The following ACTN1 variants were observed in gnomAD, a reference collection of about 807,000 sequenced individuals.
ACTN1 encodes actinin alpha 1.
In ACTN1, 30 loss-of-function variants were observed where a neutral mutation model predicts 119.6. The ratio of observed to expected loss-of-function variants is 0.25; its 90% CI spans 0.19 to 0.34. The LOEUF is 0.34. Among genes scored for constraint, ACTN1 ranks in the 10% least tolerant of loss-of-function variants. ACTN1 has a pLI of 1.00. For synonymous variants in ACTN1, 429 were observed against 472.6 expected (o/e 0.91, Z 1.20); for missense variants, 764 against 1,223.4 (o/e 0.62, Z 5.60).
At chr14:68,900,502 A>G (rs1027981387) in intron 8 of ACTN1, among the ~76,000 whole-genome samples, 3 of 151,626 alleles carry the variant, frequency 2.0e-5, no homozygotes, top group African/African-American at 7.3e-5. Context: ...GGAGAGAGAG[A>G]GAGGGAAGAG....
rs1594895869 is a variant in ACTN1 at position 68,979,141 on chromosome 14, A to T, written c.-85T>A. On this transcript the variant is annotated 5_prime_UTR_variant, in exon 1 of 22. Coordinates refer to ENST00000394419, the MANE Select transcript of ACTN1 (RefSeq NM_001130004.2). ...TGCTGCCCTGGCGTGGGGAGGGAGT[A>T]GGGCTGGGCTGGGCTGGGCTGGCGG... The T allele has an allele frequency of 6.8e-4, 283 of 414,660 alleles. No individual in the cohort carries two copies. The highest frequency in any genetic ancestry group is 9.8e-4 in the Non-Finnish European group (230 of 234,892). The allele number at this position is 414,660 out of a possible 1,614,324, so 25.7% of individuals were successfully genotyped here.
Position 68,909,840 on chromosome 14 carries a change from C to A in ACTN1, c.515+115G>T. The A allele has an allele frequency of 1.2e-6, 1 of 809,118 alleles. No homozygotes were observed. Among genetic ancestry groups the A allele is most frequent in the Non-Finnish European group, 2.0e-6 (1 of 493,824 alleles). 50.1% of individuals were successfully genotyped at this position (809,118 alleles called of 1,614,324 possible). On this transcript the variant is annotated intron_variant, in intron 5 of 21. Transcript: ENST00000394419. The surrounding 1 kb of genome is among the most constrained non-coding windows in gnomAD (Gnocchi z 4.1). Reference sequence around the variant, plus strand: ...CCCTTCCCAAGGAAAGCTACTTCTTCCCCCAGAGGTCTCCACTTTGTTCTA... The same window carrying A: ...CCCTTCCCAAGGAAAGCTACTTCTTACCCCAGAGGTCTCCACTTTGTTCTA...
At position 68,978,941 on chromosome 14, in the gene ACTN1, C is replaced by G. The variant is rs964066877; in HGVS notation, c.105+11G>C. On this transcript the variant is annotated intron_variant, in intron 1 of 21. Transcript: ENST00000394419. ...GGCTGGGGGCTGCAGCGGGCGGGGG[C>G]GGCTGCTAACCTTTCTCTGCTGCTT... The G allele has an allele frequency of 1.4e-6, 2 of 1,416,212 alleles. No individual in the cohort carries two copies. Among genetic ancestry groups the G allele is most frequent in the Admixed American group, 1.9e-5 (1 of 52,316 alleles). 87.7% of individuals were successfully genotyped at this position (1,416,212 alleles called of 1,614,324 possible).
Position 68,978,973 on chromosome 14 carries a change from G to A in ACTN1, c.84C>T (p.Ala28=). The A allele has an allele frequency of 6.2e-7, 1 of 1,600,338 alleles. No homozygotes were observed. Among genetic ancestry groups the A allele is most frequent in the African/African-American group, 1.4e-5 (1 of 74,032 alleles). The change falls in exon 1 of 22, where the codon GCC becomes GCT. Residue 28 remains alanine (A), a synonymous_variant. Coordinates refer to ENST00000394419, the MANE Select transcript of ACTN1 (RefSeq NM_001130004.2). ...DWDRDLLLDP[A]WEKQQRKTFT... ...TAACCTTTCTCTGCTGCTTCTCCCA[G>A]GCCGGGTCCAGGAGCAGGTCCCGGT...
Position 68,892,310 on chromosome 14 carries a change from G to A in ACTN1, c.856-27C>T, listed in dbSNP as rs765897142. The A allele has an allele frequency of 8.2e-6, 13 of 1,593,766 alleles. No individual in the cohort carries two copies. The Admixed American group carries it at 2.2e-4, about 27-fold the overall frequency. Reference sequence around the variant, plus strand: ...TAGGGTGGGAAGGCGGTGGGGGCAGGAGGTGAGGAGGCGGGGAGGGAGTGT... The same window carrying A: ...TAGGGTGGGAAGGCGGTGGGGGCAGAAGGTGAGGAGGCGGGGAGGGAGTGT... On this transcript the variant is annotated intron_variant, in intron 9 of 21. Coordinates refer to ENST00000394419, the MANE Select transcript of ACTN1 (RefSeq NM_001130004.2).
chr14:68,877,403 C>T (rs2031028802), intron 20 of ACTN1, 163 bp from the exon 21 acceptor site: 2 of 786,160 alleles, frequency 2.5e-6, no homozygotes, highest in Non-Finnish European at 3.9e-6. Flanking sequence ...GGGGACACAA[C>T]ACCCAACAGG....
intron 3 of ACTN1, among the ~76,000 whole-genome samples, chr14:68,916,733 T>G (rs1015929613): frequency 1.3e-5 from 2 of 151,362 alleles, no homozygotes; most frequent in Non-Finnish European, 2.9e-5. Context: ...CTGGGCTTTG[T>G]GGAAAAACCT....
intron 7 of ACTN1, among the ~76,000 whole-genome samples, chr14:68,903,711 C>T (rs1402057452): frequency 6.6e-6 from 1 of 152,104 alleles, no homozygotes; most frequent in Non-Finnish European, 1.5e-5. Flanking sequence ...AAGGGGCAAG[C>T]GCGGAGGTGG....
chr14:68,923,855 A>T (rs74619799), intron 2 of ACTN1, among the ~76,000 whole-genome samples: 1,917 of 152,318 alleles, frequency 0.013, 36 homozygotes, highest in African/African-American at 0.044. Flanking sequence ...AACCCAAGTG[A>T]CCACCGACAG....
chr14:68,975,592 G>A (rs1404444785), intron 1 of ACTN1, among the ~76,000 whole-genome samples: 1 of 152,142 alleles, frequency 6.6e-6, no homozygotes, highest in Non-Finnish European at 1.5e-5. Context: ...AAGAATGTGA[G>A]CGAAATTACA....
chr14:68,945,026 T>C (rs894025996), intron 1 of ACTN1, among the ~76,000 whole-genome samples: 32 of 150,402 alleles, frequency 2.1e-4, no homozygotes, highest in African/African-American at 7.6e-4. Context: ...ATTAGCTGGG[T>C]GTGGTGGCAC....
At position 68,952,357 on chromosome 14, in the gene ACTN1, G is replaced by A. The variant is rs569509839; in HGVS notation, c.105+26595C>T. On this transcript the variant is annotated intron_variant, in intron 1 of 21. Transcript: ENST00000394419. The stretch of plus-strand genomic sequence containing the variant: ...CTGCAGACAGGTCGAAGTGACAGGC[G>A]GCCAACGGCAGGGAGTTCTGGGGCA... Among the ~76,000 whole-genome samples the A allele has an allele frequency of 5.3e-5, 8 of 152,350 alleles. No homozygotes were observed. In the South Asian group the frequency reaches 6.2e-4, roughly 12 times the overall value.
intron 1 of ACTN1, among the ~76,000 whole-genome samples, chr14:68,933,894 T>C (rs2035354489): frequency 6.6e-6 from 1 of 151,926 alleles, no homozygotes; most frequent in African/African-American, 2.4e-5. Flanking sequence ...GGAAGATTGC[T>C]TGAGCCTGGG....
chr14:68,926,599 G>A (rs553092216), intron 1 of ACTN1, among the ~76,000 whole-genome samples: 2 of 152,282 alleles, frequency 1.3e-5, no homozygotes, highest in African/African-American at 2.4e-5. Flanking sequence ...GCACCAAATG[G>A]CACTACCAAT....
At chr14:68,919,950 C>T (rs1196773068) in intron 3 of ACTN1, among the ~76,000 whole-genome samples, 5 of 152,214 alleles carry the variant, frequency 3.3e-5, no homozygotes, top group African/African-American at 1.2e-4. Context: ...ATAAATATCC[C>T]TCCATTTCTA....
intron 8 of ACTN1, 29 bp from the exon 9 acceptor site, chr14:68,893,776 C>A: frequency 1.9e-6 from 3 of 1,609,222 alleles, no homozygotes; most frequent in Non-Finnish European, 2.5e-6. Flanking sequence ...GAGTCACGAC[C>A]AGCCAGCCCC....
intron 10 of ACTN1, among the ~76,000 whole-genome samples, chr14:68,891,708 T>C (rs1306748546): frequency 6.6e-6 from 1 of 152,222 alleles, no homozygotes; most frequent in Non-Finnish European, 1.5e-5. Flanking sequence ...AGAAATCAAC[T>C]TGACTGCGAT....
At chr14:68,899,810 G>T (rs891355861) in intron 8 of ACTN1, among the ~76,000 whole-genome samples, 15 of 152,218 alleles carry the variant, frequency 9.9e-5, no homozygotes, top group African/African-American at 3.6e-4. Flanking sequence ...GCTTTGGGAA[G>T]AGGGGAAAAG....
At chr14:68,950,250 T>A (rs8016954) in intron 1 of ACTN1, among the ~76,000 whole-genome samples, 1 of 147,620 alleles carries the variant, frequency 6.8e-6, no homozygotes, top group African/African-American at 2.5e-5. Flanking sequence ...GCTGAGATTG[T>A]GCCACTGTAC....
Sources: gnomAD v4.1 joint callset for allele counts (sites outside exome capture counted in the v4.1 genomes callset) on GRCh38, gnomAD v4.1.1 for gene constraint, Gnocchi (gnomAD v3.1) non-coding constraint, MANE v1.5 for transcripts, NCBI Gene and HGNC (gene_info 2026-07-23, HGNC 2026-07-21) for gene names.